RNF216: variants seen among roughly 807,000 people sequenced by gnomAD.
RNF216 encodes ring finger protein 216, also known as E3 ubiquitin-protein ligase RNF216.
In RNF216, 72 loss-of-function variants were observed where a neutral mutation model predicts 110.8. The ratio of observed to expected loss-of-function variants is 0.65; its 90% confidence interval spans 0.54 to 0.79. The LOEUF is 0.79. Among genes scored for constraint, RNF216 ranks in the 30% least tolerant of loss-of-function variants. The pLI is 0.00. For synonymous variants in RNF216, 495 were observed against 407.5 expected, an observed-to-expected ratio of 1.21 and a Z score of -2.59; for missense variants, 1,342 against 1,141.2, an observed-to-expected ratio of 1.18 and a Z score of -2.54.
At chr7:5,770,208 C>T (rs1467448392) in intron 1 of RNF216, among the ~76,000 whole-genome samples, 3 of 150,992 alleles carry the variant, frequency 2.0e-5, no homozygotes, top group African/African-American at 7.3e-5. Flanking sequence ...ACATCTGTAA[C>T]CCCAGCACTT....
intron 13 of RNF216, among the ~76,000 whole-genome samples, chr7:5,697,938 G>C (rs942327508): frequency 6.6e-6 from 1 of 152,188 alleles, no homozygotes; most frequent in Non-Finnish European, 1.5e-5. Context: ...TGTAGTCAAA[G>C]ATAAGAGCGG....
intron 15 of RNF216, among the ~76,000 whole-genome samples, chr7:5,639,471 T>A (rs1787600243): frequency 1.3e-5 from 2 of 148,470 alleles, no homozygotes; most frequent in African/African-American, 4.9e-5. Context: ...TGGCTCCACA[T>A]TTTTTTTTTT....
chr7:5,630,648 C>T (rs1787013244), intron 15 of RNF216, among the ~76,000 whole-genome samples: 1 of 152,186 alleles, frequency 6.6e-6, no homozygotes, highest in Non-Finnish European at 1.5e-5. Context: ...CCACCTCCGC[C>T]TCCCAAAGTG....
intron 13 of RNF216, among the ~76,000 whole-genome samples, chr7:5,690,104 G>A (rs1199966723): frequency 6.6e-6 from 1 of 152,038 alleles, no homozygotes; most frequent in African/African-American, 2.4e-5. Context: ...TTAGGCGGGC[G>A]GATCACCTGA....
intron 13 of RNF216, among the ~76,000 whole-genome samples, chr7:5,673,562 G>A (rs1241720212): frequency 1.3e-5 from 2 of 152,230 alleles, no homozygotes; most frequent in African/African-American, 4.8e-5. Context: ...GCAAGTTGCA[G>A]GATCAAGTGC....
At chr7:5,717,030 T>C (rs10241310) in intron 9 of RNF216, among the ~76,000 whole-genome samples, 125,050 of 152,158 alleles carry the variant, frequency 0.82, 53,208 homozygotes, top group Non-Finnish European at 0.92. Flanking sequence ...CAGCAAAGAA[T>C]AGCATCAACA....
intron 3 of RNF216, 59 bp from the exon 4 acceptor site, chr7:5,741,874 G>A: frequency 1.3e-6 from 2 of 1,520,404 alleles, no homozygotes; most frequent in Non-Finnish European, 1.8e-6. Flanking sequence ...CCCTCCTTAT[G>A]TACTTATATT....
Position 5,739,263 on chromosome 7 carries a change from G to C in RNF216, c.1121+13C>G, listed in dbSNP as rs1162671977. On this transcript the variant is annotated intron_variant, in intron 5 of 16. Coordinates refer to ENST00000389902, the MANE Select transcript of RNF216 (RefSeq NM_207111.4). ...CCACCACCACCACAAAAAAAGCATG[G>C]TAGTATACTTACACATTCAGATCAT... The C allele has an allele frequency of 6.4e-7, 1 of 1,564,148 alleles. No homozygotes were observed. The highest frequency in any genetic ancestry group is 8.6e-7 in the Non-Finnish European group (1 of 1,161,250).
At chr7:5,642,773 C>G (rs1280548263) in intron 14 of RNF216, among the ~76,000 whole-genome samples, 1 of 152,178 alleles carries the variant, frequency 6.6e-6, no homozygotes, top group Admixed American at 6.6e-5. Flanking sequence ...GCCACTGCGC[C>G]CAGCTAGACT....
At chr7:5,704,713 C>T (rs1213438747) in intron 13 of RNF216, among the ~76,000 whole-genome samples, 1 of 152,224 alleles carries the variant, frequency 6.6e-6, no homozygotes, top group Non-Finnish European at 1.5e-5. Flanking sequence ...ATAAACTCTC[C>T]TTTCTCATCC....
At chr7:5,773,740 G>T (rs988426010) in intron 1 of RNF216, among the ~76,000 whole-genome samples, 1 of 151,946 alleles carries the variant, frequency 6.6e-6, no homozygotes, top group East Asian at 1.9e-4. Context: ...GTTAATTTTT[G>T]TATTTTTAGT....
At chr7:5,688,927 T>C (rs1341504162) in intron 13 of RNF216, among the ~76,000 whole-genome samples, 1 of 152,180 alleles carries the variant, frequency 6.6e-6, no homozygotes, top group Non-Finnish European at 1.5e-5. Context: ...AACTCAAATG[T>C]TGACTGAATG....
intron 5 of RNF216, among the ~76,000 whole-genome samples, chr7:5,736,394 T>C (rs1359645041): frequency 1.3e-5 from 2 of 152,204 alleles, no homozygotes; most frequent in Non-Finnish European, 1.5e-5. Flanking sequence ...GGTGCCGGGA[T>C]TGCAGATGGA....
chr7:5,780,175 G>C (rs1022738334), intron 1 of RNF216: 3 of 152,174 alleles, frequency 2.0e-5, no homozygotes, highest in African/African-American at 7.2e-5. Flanking sequence ...ATAGTTTTTA[G>C]CATTCCTGGC....
chr7:5,654,231 G>T (rs1428325863), intron 13 of RNF216, among the ~76,000 whole-genome samples: 1 of 152,188 alleles, frequency 6.6e-6, no homozygotes, highest in Non-Finnish European at 1.5e-5. Flanking sequence ...AGACTGGTGG[G>T]TGTAGAGATG....
intron 13 of RNF216, among the ~76,000 whole-genome samples, chr7:5,658,120 A>G (rs943123545): frequency 6.6e-6 from 1 of 152,180 alleles, no homozygotes; most frequent in Non-Finnish European, 1.5e-5. Context: ...TTCTTTGCGG[A>G]GCTGACATCT....
At chr7:5,708,313 T>C (rs1026819331) in intron 13 of RNF216, among the ~76,000 whole-genome samples, 1 of 152,234 alleles carries the variant, frequency 6.6e-6, no homozygotes, top group African/African-American at 2.4e-5. Flanking sequence ...GTGCTAACAA[T>C]GATTGAAAGT....
chr7:5,656,656 A>C (rs1019555952), intron 13 of RNF216, among the ~76,000 whole-genome samples: 1 of 152,190 alleles, frequency 6.6e-6, no homozygotes, highest in African/African-American at 2.4e-5. Context: ...GGTTAAGTTT[A>C]TGATGCCCTT....
At chr7:5,667,749 C>T (rs1190689500) in intron 13 of RNF216, among the ~76,000 whole-genome samples, 1 of 152,180 alleles carries the variant, frequency 6.6e-6, no homozygotes, top group Non-Finnish European at 1.5e-5. Context: ...GTCAGCATGC[C>T]CTGGAAGAGA....
Sources: allele counts gnomAD v4.1 joint callset (sites outside exome capture counted in the v4.1 genomes callset), GRCh38; gene constraint gnomAD v4.1.1; transcripts MANE v1.5; gene names NCBI Gene and HGNC (gene_info 2026-07-23, HGNC 2026-07-21).